The following CTNNA3 variants were observed in gnomAD, a reference collection of about 807,000 sequenced individuals.
CTNNA3 encodes the protein catenin alpha 3.
CTNNA3 carries 76 observed loss-of-function variants against 95.7 expected under a neutral mutation model. That is an observed-to-expected ratio of 0.79 (90% CI 0.66 to 0.96). The LOEUF (loss-of-function observed/expected upper bound fraction) is 0.96, where lower values mean the gene tolerates loss of function less well. CTNNA3 is among the 40% of genes least tolerant of loss of function. The pLI is 0.00. For missense variants in CTNNA3, 1,191 were observed against 1,089.8 expected (o/e 1.09, Z -1.31); for synonymous variants, 431 against 374.4 (o/e 1.15, Z -1.74).
At chr10:67,636,981 C>G (rs918144392) in intron 2 of CTNNA3, among the ~76,000 whole-genome samples, 10 of 152,208 alleles carry the variant, frequency 6.6e-5, no homozygotes, top group Non-Finnish European at 1.5e-4. Context: ...AGGAATGCAG[C>G]TCCTCACTAG....
At chr10:66,659,761 A>G (rs1202868364) in intron 9 of CTNNA3, among the ~76,000 whole-genome samples, 1 of 152,064 alleles carries the variant, frequency 6.6e-6, no homozygotes, top group East Asian at 1.9e-4. Flanking sequence ...ATGAACCAGA[A>G]AGTGGGCCCT....
At chr10:67,034,970 A>G (rs1248125255) in intron 7 of CTNNA3, among the ~76,000 whole-genome samples, 7 of 152,196 alleles carry the variant, frequency 4.6e-5, no homozygotes, top group Non-Finnish European at 1.0e-4. Context: ...TGTCTATACT[A>G]GGAACTCTTG....
chr10:67,726,658 T>C (rs367836499), intron 1 of CTNNA3, among the ~76,000 whole-genome samples: 1 of 380 alleles, frequency 2.6e-3, no homozygotes, highest in Non-Finnish European at 5.2e-3. Flanking sequence ...TATAATATAT[T>C]ATATATTATA....
At chr10:67,093,827 C>A (rs1251550187) in intron 7 of CTNNA3, among the ~76,000 whole-genome samples, 2 of 151,964 alleles carry the variant, frequency 1.3e-5, no homozygotes, top group Non-Finnish European at 2.9e-5. Context: ...TAGTCACACT[C>A]CTTTTTCAAA....
Position 66,941,010 on chromosome 10 carries a change from T to A in CTNNA3, c.1048-165486A>T, listed in dbSNP as rs551627473. ...TAGAGTTAATTAAACCTTCTCCACC[T>A]GTAATTTAATAAAAAAAAGAAAGCC... On this transcript the variant is annotated intron_variant, in intron 7 of 17. Transcript: ENST00000433211. Among the ~76,000 whole-genome samples the A allele has an allele frequency of 2.0e-5, 3 of 152,282 alleles. No individual in the cohort carries two copies. In the South Asian group the frequency reaches 6.2e-4, roughly 32 times the overall value.
chr10:66,618,229 C>G (rs1844598583), intron 10 of CTNNA3, among the ~76,000 whole-genome samples: 1 of 151,536 alleles, frequency 6.6e-6, no homozygotes, highest in South Asian at 2.1e-4. Flanking sequence ...TCATATGGAA[C>G]CAAAAAAGAG....
At chr10:66,369,765 C>T (rs1239241566) in intron 12 of CTNNA3, among the ~76,000 whole-genome samples, 1 of 152,056 alleles carries the variant, frequency 6.6e-6, no homozygotes, top group African/African-American at 2.4e-5. Flanking sequence ...CTTTTACGTC[C>T]ATGAAGTCTG....
At chr10:66,386,476 C>T (rs148833467) in intron 11 of CTNNA3, among the ~76,000 whole-genome samples, 9,215 of 152,198 alleles carry the variant, frequency 0.061, 388 homozygotes, top group East Asian at 0.099. Flanking sequence ...ACATTCCATG[C>T]TCATGGATAG....
At chr10:67,048,668 C>G (rs1449905138) in intron 7 of CTNNA3, among the ~76,000 whole-genome samples, 2 of 152,022 alleles carry the variant, frequency 1.3e-5, no homozygotes, top group Non-Finnish European at 2.9e-5. Flanking sequence ...CTATGACGCA[C>G]TACATAGCTC....
Position 66,594,688 on chromosome 10 carries a change from C to T in CTNNA3, c.1374+27004G>A, listed in dbSNP as rs960119462. On this transcript the variant is annotated intron_variant, in intron 10 of 17. Coordinates refer to ENST00000433211, the MANE Select transcript of CTNNA3 (RefSeq NM_013266.4). ...GCAAGGCATTTTTGTTTTTTGCACA[C>T]AGTCCTTTTCTATTTCATAATTTAT... is the stretch of plus-strand genomic sequence containing the variant. Among the ~76,000 whole-genome samples the T allele has an allele frequency of 6.6e-5, 10 of 152,192 alleles. No homozygotes were observed. In the Middle Eastern group the frequency reaches 0.01, roughly 155 times the overall value.
intron 9 of CTNNA3, among the ~76,000 whole-genome samples, chr10:66,742,545 T>C (rs866572576): frequency 3.3e-5 from 5 of 152,110 alleles, no homozygotes; most frequent in African/African-American, 1.2e-4. Flanking sequence ...AAATCACTAA[T>C]AAAAACTTGC....
intron 16 of CTNNA3, among the ~76,000 whole-genome samples, chr10:65,967,327 TAG>T (rs986130169): frequency 3.3e-5 from 5 of 152,208 alleles, no homozygotes; most frequent in Non-Finnish European, 5.9e-5. Flanking sequence ...TGACAAAGGT[TAG>T]AAGCCTTCAG....
At chr10:66,181,769 G>T (rs1255558647) in intron 13 of CTNNA3, among the ~76,000 whole-genome samples, 1 of 152,032 alleles carries the variant, frequency 6.6e-6, no homozygotes, top group African/African-American at 2.4e-5. Context: ...TTTTGAGTTG[G>T]TATGCTTAAG....
intron 7 of CTNNA3, among the ~76,000 whole-genome samples, chr10:67,088,168 G>A (rs1857417403): frequency 6.6e-6 from 1 of 151,288 alleles, no homozygotes; most frequent in Non-Finnish European, 1.5e-5. Flanking sequence ...TTCCTACATG[G>A]AATCCTCTGT....
At chr10:66,520,854 C>A in intron 10 of CTNNA3, 81 bp from the exon 11 acceptor site, 1 of 900,496 alleles carries the variant, frequency 1.1e-6, no homozygotes, top group Admixed American at 2.2e-5. Flanking sequence ...AAAGCCCACA[C>A]TTCACCACTA....
chr10:67,718,082 T>C (rs1841155188), intron 1 of CTNNA3, among the ~76,000 whole-genome samples: 1 of 152,210 alleles, frequency 6.6e-6, no homozygotes, highest in Non-Finnish European at 1.5e-5. Context: ...TTTGTAGCAA[T>C]TGTAAAAGGG....
intron 11 of CTNNA3, among the ~76,000 whole-genome samples, chr10:66,410,976 C>G (rs2093099927): frequency 6.6e-6 from 1 of 152,130 alleles, no homozygotes; most frequent in South Asian, 2.1e-4. Context: ...GTGAATTACC[C>G]AAGATGGCAT....
At chr10:67,373,637 G>T (rs1843573465) in intron 5 of CTNNA3, among the ~76,000 whole-genome samples, 1 of 152,100 alleles carries the variant, frequency 6.6e-6, no homozygotes, top group South Asian at 2.1e-4. Context: ...CTTGTTAAGT[G>T]AAAAAGATCT....
chr10:66,658,226 TTCTC>T (rs10659165), intron 9 of CTNNA3, among the ~76,000 whole-genome samples: 7 of 148,872 alleles, frequency 4.7e-5, no homozygotes, highest in South Asian at 2.1e-4. Flanking sequence ...CTCTCTCTCT[TTCTC>T]TCTCTCTCTC....
Sources: gnomAD v4.1 joint callset for allele counts (sites outside exome capture counted in the v4.1 genomes callset) on GRCh38, gnomAD v4.1.1 for gene constraint, MANE v1.5 for transcripts, NCBI Gene and HGNC (gene_info 2026-07-23, HGNC 2026-07-21) for gene names.